The following PRKACA variants were observed in gnomAD, a reference collection of about 807,000 sequenced individuals.
PRKACA encodes cAMP-dependent protein kinase catalytic subunit alpha.
Under a neutral mutation model 45.8 loss-of-function variants are expected in PRKACA, and 9 were observed. The ratio of observed to expected loss-of-function variants is 0.20; its 90% CI spans 0.12 to 0.34. PRKACA has a LOEUF of 0.34. Among genes scored for constraint, PRKACA ranks in the 10% least tolerant of loss-of-function variants. The pLI, the probability that PRKACA is intolerant of heterozygous loss-of-function variation, is 1.00. For missense variants in PRKACA, 238 were observed against 458.6 expected (o/e 0.52, Z 4.39); for synonymous variants, 160 against 178.6 (o/e 0.90, Z 0.83).
chr19:14,097,454 G>A lies in PRKACA; in HGVS notation c.672C>T (p.Ala224=). ...CCATTTCATAGATAAGAACCCCCAG[G>A]GCCCACCAGTCCACGGCCTTGTTGT... ...KGYNKAVDWW[A]LGVLIYEMAA... is the part of the protein sequence containing the mutation. The change falls in exon 8 of 10, where the codon GCC becomes GCT. Residue 224 remains alanine (A), a synonymous_variant. Coordinates refer to ENST00000308677, the MANE Select transcript of PRKACA (RefSeq NM_002730.4). This position sits in a 1 kb window ranked among gnomAD's most constrained non-coding sequence, Gnocchi z 5.4. The A allele has an allele frequency of 6.2e-6, 10 of 1,614,100 alleles. No homozygotes were observed. Among genetic ancestry groups the A allele is most frequent in the Non-Finnish European group, 8.5e-6 (10 of 1,180,022 alleles).
chr19:14,106,401 C>A (rs532760190), intron 3 of PRKACA, among the ~76,000 whole-genome samples: 1 of 152,142 alleles, frequency 6.6e-6, no homozygotes, highest in Admixed American at 6.5e-5. Context: ...CGCCTGTAAT[C>A]CCAGCACTTT....
chr19:14,103,010 G>A (rs529496874), intron 3 of PRKACA, 96 bp from the exon 4 acceptor site: 305 of 971,492 alleles, frequency 3.1e-4, no homozygotes, highest in East Asian at 2.5e-3. Flanking sequence ...GAGCCAGGCC[G>A]GTTCCTTCAG....
chr19:14,117,506 C>G lies in PRKACA; in HGVS notation c.42G>C (p.Glu14Asp). The change falls in exon 1 of 10, where the codon GAG becomes GAC. Residue 14 changes from glutamate (E) to aspartate (D), a missense_variant. Around this residue, in one of 3 missense-constraint regions of PRKACA, gnomAD observed 93 missense variants for 149.1 expected, o/e 0.62. Transcript: ENST00000308677. ...GGTCACAGCCCGGGCACTCACCGCT[C>G]TCCTGCTCGCTGCCCTTCTTGGCGG... ...AAAAKKGSEQ[E>D]SVKEFLAKAK... The G allele has an allele frequency of 8.1e-7, 1 of 1,239,960 alleles. No homozygotes were observed. The highest frequency in any genetic ancestry group is 1.0e-6 in the Non-Finnish European group (1 of 987,252). 76.8% of individuals were successfully genotyped at this position (1,239,960 alleles called of 1,614,324 possible).
At chr19:14,094,834 C>G (rs114153875) in intron 8 of PRKACA, among the ~76,000 whole-genome samples, 1 of 152,256 alleles carries the variant, frequency 6.6e-6, no homozygotes, top group Non-Finnish European at 1.5e-5. Flanking sequence ...TAAAGCCCAG[C>G]TCAACTCTTC....
chr19:14,097,149 T>C lies in PRKACA; in HGVS notation c.765+212A>G. 1 of 667,034 alleles carries C rather than the reference T, an allele frequency of 1.5e-6. No individual in the cohort carries two copies. Among genetic ancestry groups the C allele is most frequent in the Non-Finnish European group, 2.5e-6 (1 of 401,388 alleles). 41.3% of individuals were successfully genotyped at this position (667,034 alleles called of 1,614,324 possible). ...TGAGGCTCGGGATTTTGGAAGCCCA[T>C]GGGATTCTGGAACCGCGGGGTTGGG... On this transcript the variant is annotated intron_variant, in intron 8 of 9. Coordinates refer to ENST00000308677, the MANE Select transcript of PRKACA (RefSeq NM_002730.4). This position sits in a 1 kb window ranked among gnomAD's most constrained non-coding sequence, Gnocchi z 5.4.
intron 1 of PRKACA, among the ~76,000 whole-genome samples, chr19:14,110,806 C>G (rs913217262): frequency 3.9e-5 from 6 of 152,174 alleles, no homozygotes; most frequent in Non-Finnish European, 5.9e-5. Flanking sequence ...CTGATCAGGT[C>G]TGAGGTCACT....
chr19:14,105,383 C>T (rs1977572577), intron 3 of PRKACA, among the ~76,000 whole-genome samples: 1 of 151,858 alleles, frequency 6.6e-6, no homozygotes, highest in South Asian at 2.1e-4. Flanking sequence ...GTGGTGGTGG[C>T]ACCCATAATC....
intron 1 of PRKACA, chr19:14,114,259 G>A (rs1967058798): frequency 1.4e-6 from 2 of 1,479,514 alleles, no homozygotes; most frequent in Admixed American, 3.9e-5. Flanking sequence ...TGCCTGCAGG[G>A]GGAGCTAGGG....
Position 14,092,470 on chromosome 19 carries a change from C to T in PRKACA, c.*642G>A, listed in dbSNP as rs1977106894. 1 of 393,292 alleles carries T rather than the reference C, an allele frequency of 2.5e-6. No homozygotes were observed. The highest frequency in any genetic ancestry group is 3.6e-5 in the East Asian group (1 of 27,760). The allele number at this position is 393,292 out of a possible 1,614,324, so 24.4% of individuals were successfully genotyped here. On this transcript the variant is annotated 3_prime_UTR_variant, in exon 10 of 10. Coordinates refer to ENST00000308677, the MANE Select transcript of PRKACA (RefSeq NM_002730.4). ...CCCTTTCCAAAGTCAGTCTGCTTCT[C>T]TTTAAAATGGATTTGAGGAATGGGG...
At position 14,097,733 on chromosome 19, in the gene PRKACA, A is replaced by C; in HGVS notation, c.546+31T>G. 1.2e-6 allele frequency: 2 copies of C among 1,614,016 alleles called. No individual in the cohort carries two copies. Among genetic ancestry groups the C allele is most frequent in the South Asian group, 2.2e-5 (2 of 91,078 alleles). On this transcript the variant is annotated intron_variant, in intron 6 of 9. Coordinates refer to ENST00000308677, the MANE Select transcript of PRKACA (RefSeq NM_002730.4). The surrounding 1 kb of genome is among the most constrained non-coding windows in gnomAD (Gnocchi z 5.4). ...GAAGGGTCCAGGCCACGGCTTCCCC[A>C]GGGCTGCCCCTCGCCCGGCCTGGTG...
chr19:14,104,102 C>T (rs999994094), intron 3 of PRKACA, among the ~76,000 whole-genome samples: 2 of 152,104 alleles, frequency 1.3e-5, no homozygotes, highest in African/African-American at 4.8e-5. Flanking sequence ...CTTTGAGAGG[C>T]CGAGGCAGGT....
chr19:14,095,059 C>T (rs538713216), intron 8 of PRKACA, among the ~76,000 whole-genome samples: 6 of 152,158 alleles, frequency 3.9e-5, no homozygotes, highest in Admixed American at 2.0e-4. Flanking sequence ...ACTGACGGTG[C>T]GGGGGAACTA....
Position 14,091,712 on chromosome 19 carries a change from G to C in PRKACA, c.*1400C>G, listed in dbSNP as rs1977071842. 2.0e-5 allele frequency: 3 copies of C among 152,522 alleles called. No homozygotes were observed. Among genetic ancestry groups the C allele is most frequent in the Admixed American group, 2.0e-4 (3 of 15,294 alleles). 9.4% of individuals were successfully genotyped at this position (152,522 alleles called of 1,614,324 possible). On this transcript the variant is annotated 3_prime_UTR_variant, in exon 10 of 10. Transcript: ENST00000308677. ...CTTTTTTTTTAAACAAAACTTTATTGGTAATAGTTTTCAAATATGTTTACA... is the reference window on the plus strand; with the variant it reads ...CTTTTTTTTTAAACAAAACTTTATTCGTAATAGTTTTCAAATATGTTTACA...
chr19:14,093,980 C>T (rs747553561), intron 8 of PRKACA, among the ~76,000 whole-genome samples, 188 bp from the exon 9 acceptor site: 50 of 152,030 alleles, frequency 3.3e-4, no homozygotes, highest in Non-Finnish European at 6.2e-4. Flanking sequence ...GATACTGTGG[C>T]CTGAGAATCT....
intron 1 of PRKACA, among the ~76,000 whole-genome samples, chr19:14,110,721 CTGAG>C (rs1213361932): frequency 6.6e-6 from 1 of 152,198 alleles, no homozygotes; most frequent in Non-Finnish European, 1.5e-5. Flanking sequence ...CAGCCCCTTG[CTGAG>C]TATTTTCTAT....
Position 14,104,348 on chromosome 19 carries a change from A to C in PRKACA, c.238-1434T>G, listed in dbSNP as rs891865157. On this transcript the variant is annotated intron_variant, in intron 3 of 9. Transcript: ENST00000308677. Reference sequence around the variant, plus strand: ...CGAGACTCCGTCTCAAAAAAAAAAAAAAAAAAACAACAACCAGCCAGGCCA... The same window carrying C: ...CGAGACTCCGTCTCAAAAAAAAAAACAAAAAAACAACAACCAGCCAGGCCA... Among the ~76,000 whole-genome samples, 5 of 149,912 alleles carry C rather than the reference A, an allele frequency of 3.3e-5. No homozygotes were observed. The East Asian group carries it at 5.9e-4, about 18-fold the overall frequency.
chr19:14,103,325 G>T (rs1053014160), intron 3 of PRKACA, among the ~76,000 whole-genome samples: 12 of 152,118 alleles, frequency 7.9e-5, no homozygotes, highest in Non-Finnish European at 1.3e-4. Flanking sequence ...CCCAAGAGGT[G>T]GGGGGTTTAG....
intron 4 of PRKACA, 61 bp downstream of exon 4, chr19:14,102,755 G>T: frequency 7.0e-7 from 1 of 1,418,962 alleles, no homozygotes; most frequent in Non-Finnish European, 1.0e-6. Flanking sequence ...CCCCAGCCCT[G>T]GGGGCCAGAA....
chr19:14,107,667 G>A (rs1315076519), intron 1 of PRKACA: 5 of 1,308,290 alleles, frequency 3.8e-6, no homozygotes, highest in South Asian at 1.8e-5. Context: ...ACGGAGGGAG[G>A]TGCCCAGGCA....
Sources: allele counts gnomAD v4.1 joint callset (sites outside exome capture counted in the v4.1 genomes callset), GRCh38; gene constraint gnomAD v4.1.1; regional missense constraint gnomAD v4.1.1; non-coding constraint Gnocchi (gnomAD v3.1); transcripts MANE v1.5; gene names NCBI Gene and HGNC (gene_info 2026-07-23, HGNC 2026-07-21).